Variants in ZNF532 observed in about 807,000 individuals in gnomAD.
ZNF532 encodes zinc finger protein 532.
ZNF532 carries 22 observed loss-of-function variants against 89.3 expected under a neutral mutation model. The ratio of observed to expected loss-of-function variants is 0.25; its 90% CI spans 0.18 to 0.35. ZNF532 has a LOEUF of 0.35. Among genes scored for constraint, ZNF532 ranks in the 10% least tolerant of loss-of-function variants. The pLI is 1.00. For missense variants in ZNF532, 1,132 were observed against 1,643.4 expected (o/e 0.69, Z 5.38); for synonymous variants, 606 against 649.6 (o/e 0.93, Z 1.02).
chr18:58,919,501 C>G lies in ZNF532; in HGVS notation c.1214C>G (p.Ser405Cys), dbSNP rs777228476. Residue 405 changes from serine (S) to cysteine (C), a missense_variant, in exon 3 of 10, where the codon TCC becomes TGC. Physicochemically the swap from Ser to Cys is moderately radical, Grantham distance 112. Around this residue, in one of 9 missense-constraint regions of ZNF532, gnomAD observed 124 missense variants for 191.6 expected, o/e 0.65. Transcript: ENST00000591808. The surrounding 1 kb of genome is among the most constrained non-coding windows in gnomAD (Gnocchi z 6.1). The part of the protein sequence containing the change: ...QTASVMASVT[S>C]LLSSPASAAV... ...GCGTCCGTGATGGCCTCTGTGACAT[C>G]CCTTCTGTCGTCTCCAGCATCAGCC... is the stretch of plus-strand genomic sequence containing the variant. 1 of 1,614,178 alleles carries G rather than the reference C, an allele frequency of 6.2e-7. No individual in the cohort carries two copies. The highest frequency in any genetic ancestry group is 1.1e-5 in the South Asian group (1 of 91,080).
intron 7 of ZNF532, among the ~76,000 whole-genome samples, chr18:58,956,444 A>G (rs529435957): frequency 6.6e-6 from 1 of 152,272 alleles, no homozygotes; most frequent in African/African-American, 2.4e-5. Context: ...AGTGAAATGA[A>G]TGGTGTTGAG....
At chr18:58,867,937 A>T (rs1019074214) in intron 2 of ZNF532, among the ~76,000 whole-genome samples, 1 of 152,186 alleles carries the variant, frequency 6.6e-6, no homozygotes, top group African/African-American at 2.4e-5. Context: ...ATTTTAAGGA[A>T]GGTCTAGGAA....
chr18:58,914,675 G>A (rs866490731), intron 2 of ZNF532, among the ~76,000 whole-genome samples: 1 of 152,156 alleles, frequency 6.6e-6, no homozygotes, highest in Non-Finnish European at 1.5e-5. Flanking sequence ...GCAAGACTCC[G>A]TCTCGGAAAA....
chr18:58,936,665 C>G (rs917749224), intron 4 of ZNF532, among the ~76,000 whole-genome samples: 2 of 151,946 alleles, frequency 1.3e-5, no homozygotes, highest in African/African-American at 4.8e-5. Context: ...TTTTTTTCTC[C>G]CTGGACTTGA....
intron 7 of ZNF532, among the ~76,000 whole-genome samples, chr18:58,972,167 C>T (rs572657305): frequency 3.3e-5 from 5 of 152,222 alleles, no homozygotes; most frequent in Non-Finnish European, 7.3e-5. Flanking sequence ...TGCACTACTG[C>T]ACTCCAGCCT....
At chr18:58,871,291 A>T (rs1018549374) in intron 2 of ZNF532, among the ~76,000 whole-genome samples, 1 of 152,136 alleles carries the variant, frequency 6.6e-6, no homozygotes, top group Non-Finnish European at 1.5e-5. Flanking sequence ...ACTGGACTCA[A>T]ACTAGCTGGA....
At chr18:58,909,308 A>G (rs1463220334) in intron 2 of ZNF532, among the ~76,000 whole-genome samples, 1 of 152,194 alleles carries the variant, frequency 6.6e-6, no homozygotes, top group African/African-American at 2.4e-5. Flanking sequence ...GACAAAACAT[A>G]GGATTTAGAG....
At position 58,888,711 on chromosome 18, in the gene ZNF532, ATATATATATATAT is replaced by A. The variant is rs1568244494; in HGVS notation, c.-18+23133_-18+23145del. Among the ~76,000 whole-genome samples the A allele has an allele frequency of 4.1e-3, 52 of 12,750 alleles. 2 individuals are homozygous for A. The highest frequency in any genetic ancestry group is 0.014 in the African/African-American group (51 of 3,776). The allele number at this position is 12,750 out of a possible 152,430, so 8.4% of individuals were successfully genotyped here. ...CAAAAAAAAAATTATATATATATATATATATATATATATAAATTATATATATATATTTTATATA... is the reference window on the plus strand; with the variant it reads ...CAAAAAAAAAATTATATATATATATAAAATTATATATATATATTTTATATA... On this transcript the variant is annotated intron_variant, in intron 2 of 9. Coordinates refer to ENST00000591808, the MANE Select transcript of ZNF532 (RefSeq NM_001375912.1).
intron 2 of ZNF532, among the ~76,000 whole-genome samples, chr18:58,882,935 T>A (rs190294474): frequency 7.2e-5 from 11 of 152,308 alleles, no homozygotes; most frequent in Admixed American, 2.6e-4. Flanking sequence ...TCAGGCTGTG[T>A]GTGTGTGTAT....
chr18:58,899,805 T>C (rs2059486243), intron 2 of ZNF532, among the ~76,000 whole-genome samples: 1 of 152,236 alleles, frequency 6.6e-6, no homozygotes, highest in African/African-American at 2.4e-5. Context: ...ACCAGCTGTA[T>C]TGAACTTTTA....
At chr18:58,953,404 C>G (rs1469823461) in intron 6 of ZNF532, 114 bp from the exon 7 acceptor site, 2 of 853,448 alleles carry the variant, frequency 2.3e-6, no homozygotes, top group Non-Finnish European at 3.6e-6. Flanking sequence ...TTAAATATTT[C>G]TGAATGAATA....
At chr18:58,863,845 C>G (rs1568188981), upstream of ZNF532, 1 of 152,262 alleles carries the variant, frequency 6.6e-6, no homozygotes, top group Non-Finnish European at 1.5e-5. Context: ...GGGTGGGCGC[C>G]GGGCAGAGGC....
chr18:58,942,353 T>C (rs191368434), intron 5 of ZNF532, among the ~76,000 whole-genome samples: 9,732 of 35,282 alleles, frequency 0.28, 888 homozygotes, highest in East Asian at 0.36. Context: ...CTCCCTCCCT[T>C]CCTTCCTTCC....
chr18:58,895,506 C>T (rs2059184504), intron 2 of ZNF532, among the ~76,000 whole-genome samples: 1 of 152,204 alleles, frequency 6.6e-6, no homozygotes, highest in South Asian at 2.1e-4. Flanking sequence ...CCATTTGACC[C>T]TAAGATCTCC....
chr18:58,929,820 G>T (rs570193868), intron 3 of ZNF532, among the ~76,000 whole-genome samples: 25 of 152,346 alleles, frequency 1.6e-4, no homozygotes, highest in African/African-American at 5.5e-4. Context: ...CCATTTAAGT[G>T]AGATCTGAAA....
intron 5 of ZNF532, among the ~76,000 whole-genome samples, chr18:58,943,303 G>A (rs150761169): frequency 0.03 from 4,508 of 151,288 alleles, 232 homozygotes; most frequent in African/African-American, 0.1. Flanking sequence ...GGGACTACAG[G>A]CGCCCACCAT....
intron 2 of ZNF532, among the ~76,000 whole-genome samples, chr18:58,892,696 A>G (rs1269857947): frequency 3.3e-5 from 5 of 152,264 alleles, no homozygotes; most frequent in African/African-American, 7.2e-5. Context: ...AGTTTGAGCA[A>G]TTGTGATGCA....
At chr18:58,913,471 C>T (rs546263254) in intron 2 of ZNF532, among the ~76,000 whole-genome samples, 1 of 151,772 alleles carries the variant, frequency 6.6e-6, no homozygotes, top group Non-Finnish European at 1.5e-5. Flanking sequence ...TTTTTTGGGG[C>T]CAGGCACAGT....
At chr18:58,978,670 C>T (rs1278950017) in intron 7 of ZNF532, among the ~76,000 whole-genome samples, 2 of 152,066 alleles carry the variant, frequency 1.3e-5, no homozygotes, top group Non-Finnish European at 1.5e-5. Context: ...TTCCTAAATA[C>T]AGGTTGAGTA....
Sources: allele counts gnomAD v4.1 joint callset (sites outside exome capture counted in the v4.1 genomes callset), GRCh38; gene constraint gnomAD v4.1.1; regional missense constraint gnomAD v4.1.1; non-coding constraint Gnocchi (gnomAD v3.1); transcripts MANE v1.5; gene names NCBI Gene and HGNC (gene_info 2026-07-23, HGNC 2026-07-21).